Variants in LDB3 observed in about 807,000 individuals in gnomAD.
LDB3 encodes the protein LIM domain-binding protein 3.
Under a neutral mutation model 69.0 loss-of-function variants are expected in LDB3, and 49 were observed. That is an observed-to-expected ratio of 0.71 (90% CI 0.56 to 0.90). The LOEUF (loss-of-function observed/expected upper bound fraction) is 0.90, where lower values mean the gene tolerates loss of function less well. Among genes scored for constraint, LDB3 ranks in the 40% least tolerant of loss-of-function variants. The pLI is 0.00. For missense variants in LDB3, 928 were observed against 974.1 expected, an observed-to-expected ratio of 0.95 and a Z score of 0.63; for synonymous variants, 387 against 396.2, an observed-to-expected ratio of 0.98 and a Z score of 0.28.
At chr10:86,687,031 T>A (rs1262060254) in intron 5 of LDB3, 1 of 1,602,246 alleles carries the variant, frequency 6.2e-7, no homozygotes, top group Admixed American at 1.7e-5. Context: ...CCTTTTCTCC[T>A]CCCTCTCCCT....
intron 5 of LDB3, 33 bp downstream of exon 5, chr10:86,681,836 G>A (rs1423625511): frequency 6.5e-7 from 1 of 1,546,796 alleles, no homozygotes. Flanking sequence ...TCCACAGGTG[G>A]CCTGGGCCAC....
chr10:86,683,005 C>T (rs1223366390), intron 5 of LDB3, among the ~76,000 whole-genome samples: 1 of 151,968 alleles, frequency 6.6e-6, no homozygotes, highest in African/African-American at 2.4e-5. Flanking sequence ...GCTTGCTTCC[C>T]TTACCCAAGG....
At chr10:86,716,237 C>A (rs929560035) in intron 9 of LDB3, 90 bp from the exon 10 acceptor site, 114 of 1,462,090 alleles carry the variant, frequency 7.8e-5, no homozygotes, top group Non-Finnish European at 9.9e-5. Flanking sequence ...GTTAAAGTCA[C>A]CTTTTGCATT....
At position 86,680,151 on chromosome 10, in the gene LDB3, C is replaced by T. The variant is rs1313233762; in HGVS notation, c.315C>T (p.His105=). 6.2e-7 allele frequency: 1 copy of T among 1,614,024 alleles called. No individual in the cohort carries two copies. The highest frequency in any genetic ancestry group is 8.5e-7 in the Non-Finnish European group (1 of 1,179,854). Residue 105 remains histidine (H), a synonymous_variant, in exon 4 of 14, where the codon CAC becomes CAT. Coordinates refer to ENST00000361373, the MANE Select transcript of LDB3 (RefSeq NM_007078.3). The part of the protein sequence containing the change: ...PVQTPLPVIP[H]QKDPALDTNG... Reference sequence around the variant, plus strand: ...AGACCCCTCTGCCGGTGATCCCTCACCAGAAGGTAGGTGCTGACTGTGGCG... The same window carrying T: ...AGACCCCTCTGCCGGTGATCCCTCATCAGAAGGTAGGTGCTGACTGTGGCG...
At chr10:86,704,127 GA>G (rs138773206) in intron 7 of LDB3, among the ~76,000 whole-genome samples, 11,803 of 132,898 alleles carry the variant, frequency 0.089, 538 homozygotes, top group African/African-American at 0.11. Context: ...TTAAAAAAGA[GA>G]AAAAAAAAAA....
chr10:86,716,689 G>C lies in LDB3; in HGVS notation c.1594G>C (p.Ala532Pro), dbSNP rs143764931. The C allele has an allele frequency of 6.4e-4, 1,038 of 1,613,876 alleles. No individual in the cohort carries two copies. Among genetic ancestry groups the C allele is most frequent in the Non-Finnish European group, 8.1e-4 (957 of 1,179,992 alleles). ...TPAGPQVPPL[A>P]RGTVQRAERF... ...AGCGGGTCCTCAGGTGCCACCACTT[G>C]CCAGGGGGACCGTCCAGAGGGCTGA... The change falls in exon 10 of 14, where the codon GCC (alanine) becomes CCC (proline). Residue 532 changes from alanine (A) to proline (P), a missense_variant. Physicochemically the swap from Ala to Pro is conservative, Grantham distance 27. Transcript: ENST00000361373.
intron 5 of LDB3, among the ~76,000 whole-genome samples, chr10:86,683,570 T>A (rs928548135): frequency 6.6e-6 from 1 of 152,272 alleles, no homozygotes; most frequent in Non-Finnish European, 1.5e-5. Context: ...CAGACCCTGA[T>A]GAATGTGTAA....
Position 86,718,042 on chromosome 10 carries a change from A to G in LDB3, c.1755A>G (p.Ala585=), listed in dbSNP as rs1564658452. 1 of 1,614,208 alleles carries G rather than the reference A, an allele frequency of 6.2e-7. No homozygotes were observed. The highest frequency in any genetic ancestry group is 1.7e-5 in the Admixed American group (1 of 60,026). The change falls in exon 11 of 14, where the codon GCA becomes GCG. Residue 585 remains alanine (A), a synonymous_variant. Coordinates refer to ENST00000361373, the MANE Select transcript of LDB3 (RefSeq NM_007078.3). ...GTGCCTACTGCAAGACTTCCCTGGC[A>G]GATGTGTGCTTTGTGGAAGAGCAGA... The part of the protein sequence containing the change: ...FTCAYCKTSL[A]DVCFVEEQNN...
chr10:86,692,633 C>T, intron 7 of LDB3, 62 bp downstream of exon 7: 2 of 1,453,908 alleles, frequency 1.4e-6, no homozygotes, highest in Middle Eastern at 1.7e-4. Flanking sequence ...CCCGGGCAGC[C>T]CCCAGGTCAC....
upstream of LDB3, among the ~76,000 whole-genome samples, chr10:86,667,971 G>C (rs1844244657): frequency 6.6e-6 from 1 of 152,182 alleles, no homozygotes; most frequent in African/African-American, 2.4e-5. Flanking sequence ...GTCTCCTGCG[G>C]GCCCAGGTGG....
Position 86,709,256 on chromosome 10 carries a change from T to C in LDB3, c.1086-649T>C, listed in dbSNP as rs569747042. On this transcript the variant is annotated intron_variant, in intron 8 of 13. Coordinates refer to ENST00000361373, the MANE Select transcript of LDB3 (RefSeq NM_007078.3). The stretch of plus-strand genomic sequence containing the variant: ...GGGTAATGAACTAGGACGCTTTTTT[T>C]AAAATCTCTTTGACCCCATTGTCCC... Among the ~76,000 whole-genome samples, 106 of 152,272 alleles carry C rather than the reference T, an allele frequency of 7.0e-4. No homozygotes were observed. In the Middle Eastern group the frequency reaches 0.01, roughly 15 times the overall value.
At position 86,699,959 on chromosome 10, in the gene LDB3, T is replaced by A; in HGVS notation, c.897-6572T>A. 4 of 998,782 alleles carry A rather than the reference T, an allele frequency of 4.0e-6. No homozygotes were observed. The highest frequency in any genetic ancestry group is 4.8e-6 in the Non-Finnish European group (4 of 837,076). 61.9% of individuals were successfully genotyped at this position (998,782 alleles called of 1,614,324 possible). On this transcript the variant is annotated intron_variant, in intron 7 of 13. Transcript: ENST00000361373. This position sits in a 1 kb window ranked among gnomAD's most constrained non-coding sequence, Gnocchi z 4.9. Reference sequence around the variant, plus strand: ...GGTGAGGTGGGGGCATGCACCCTCCTTTCTGTACCGTGTGTGCTGGCTCCA... The same window carrying A: ...GGTGAGGTGGGGGCATGCACCCTCCATTCTGTACCGTGTGTGCTGGCTCCA...
chr10:86,699,511 C>T lies in LDB3; in HGVS notation c.896+6940C>T. On this transcript the variant is annotated intron_variant, in intron 7 of 13. Coordinates refer to ENST00000361373, the MANE Select transcript of LDB3 (RefSeq NM_007078.3). This position sits in a 1 kb window ranked among gnomAD's most constrained non-coding sequence, Gnocchi z 4.9. ...TGGGGGCACCTCTGATGGCCAACCG[C>T]AGCATTTCTGTCCTCTGCCCACCCC... 2 of 1,524,862 alleles carry T rather than the reference C, an allele frequency of 1.3e-6. No individual in the cohort carries two copies. Among genetic ancestry groups the T allele is most frequent in the Non-Finnish European group, 8.8e-7 (1 of 1,139,172 alleles). 94.5% of individuals were successfully genotyped at this position (1,524,862 alleles called of 1,614,324 possible).
At chr10:86,710,307 G>A (rs1259479904) in intron 9 of LDB3, 2 of 965,214 alleles carry the variant, frequency 2.1e-6, no homozygotes, top group East Asian at 2.3e-4. Flanking sequence ...AGTCTTCTCC[G>A]GACCGGGCAT....
At position 86,716,388 on chromosome 10, in the gene LDB3, C is replaced by CG; in HGVS notation, c.1293_1294insG (p.Ser432ValfsTer39). On this transcript the variant is annotated frameshift_variant, in exon 10 of 14. Coordinates refer to ENST00000361373, the MANE Select transcript of LDB3 (RefSeq NM_007078.3). LOFTEE classifies it high-confidence loss of function. ...ATTACAGTCCCACTCCCTACACCCCCTCCCCTGCCCCTGCCTACACCCCCT... is the reference window on the plus strand; with the variant it reads ...ATTACAGTCCCACTCCCTACACCCCCGTCCCCTGCCCCTGCCTACACCCCCT... 1 of 1,599,220 alleles carries CG rather than the reference C, an allele frequency of 6.3e-7. No homozygotes were observed. The highest frequency in any genetic ancestry group is 8.5e-7 in the Non-Finnish European group (1 of 1,174,684).
intron 12 of LDB3, among the ~76,000 whole-genome samples, chr10:86,723,572 C>T (rs558672236): frequency 3.3e-5 from 5 of 152,246 alleles, no homozygotes; most frequent in African/African-American, 9.6e-5. Context: ...AGAAAGAAGT[C>T]GTAAGTGGGT....
intron 5 of LDB3, 116 bp downstream of exon 5, chr10:86,681,919 C>G: frequency 6.2e-6 from 7 of 1,123,280 alleles, no homozygotes; most frequent in Non-Finnish European, 9.0e-6. Flanking sequence ...CCAGCCAGCC[C>G]CGAGCCCATG....
At chr10:86,705,384 C>A (rs1327609152) in intron 7 of LDB3, among the ~76,000 whole-genome samples, 1 of 152,198 alleles carries the variant, frequency 6.6e-6, no homozygotes, top group African/African-American at 2.4e-5. Context: ...TAGGGGGAGT[C>A]ATTCCCACTT....
At chr10:86,672,245 G>A (rs761728417) in intron 2 of LDB3, among the ~76,000 whole-genome samples, 2 of 152,256 alleles carry the variant, frequency 1.3e-5, no homozygotes, top group Admixed American at 6.5e-5. Context: ...GTCGGGGGCT[G>A]AGCCTGGGCC....
Sources: allele counts gnomAD v4.1 joint callset (sites outside exome capture counted in the v4.1 genomes callset), GRCh38; gene constraint gnomAD v4.1.1; non-coding constraint Gnocchi (gnomAD v3.1); transcripts MANE v1.5; gene names NCBI Gene and HGNC (gene_info 2026-07-23, HGNC 2026-07-21).